The following GRB10 variants were observed in gnomAD, a reference collection of about 807,000 sequenced individuals.
GRB10 encodes growth factor receptor bound protein 10.
In GRB10, 20 loss-of-function variants were observed where a neutral mutation model predicts 80.9. The ratio of observed to expected loss-of-function variants is 0.25; its 90% CI spans 0.17 to 0.36. The LOEUF is 0.36. GRB10 is among the 10% of genes least tolerant of loss of function. The pLI, the probability that GRB10 is intolerant of heterozygous loss-of-function variation, is 1.00. For synonymous variants in GRB10, 291 were observed against 291.5 expected, an observed-to-expected ratio of 1.00 and a Z score of 0.02; for missense variants, 548 against 747.7, an observed-to-expected ratio of 0.73 and a Z score of 3.12.
At chr7:50,755,423 C>G (rs1224095051) in intron 3 of GRB10, among the ~76,000 whole-genome samples, 1 of 152,158 alleles carries the variant, frequency 6.6e-6, no homozygotes, top group African/African-American at 2.4e-5. Context: ...CAGGGGCACA[C>G]TAACACACAC....
rs187617792 is a variant in GRB10, at chr7:50,617,903, T to C, written c.846+168A>G. ...AGATTTTCCAAGGAAACTTTTAATT[T>C]CTGGTTACTCTAAACCCTCCCCCCA... On this transcript the variant is annotated intron_variant, in intron 10 of 18. Coordinates refer to ENST00000401949, the MANE Select transcript of GRB10 (RefSeq NM_001350814.2). 636 of 671,130 alleles carry C rather than the reference T, an allele frequency of 9.5e-4. 4 individuals carry two copies. The highest frequency in any genetic ancestry group is 2.3e-4 in the Non-Finnish European group (87 of 379,342). The allele number at this position is 671,130 out of a possible 1,614,324, so 41.6% of individuals were successfully genotyped here.
chr7:50,779,954 T>C (rs2078108012), intron 2 of GRB10, among the ~76,000 whole-genome samples: 1 of 152,056 alleles, frequency 6.6e-6, no homozygotes, highest in African/African-American at 2.4e-5. Flanking sequence ...GGAGAGATAG[T>C]CCTGGACCCC....
At chr7:50,792,220 C>T (rs561194110) in intron 1 of GRB10, among the ~76,000 whole-genome samples, 2 of 152,246 alleles carry the variant, frequency 1.3e-5, no homozygotes, top group African/African-American at 4.8e-5. Context: ...ACGAGCTCTC[C>T]TTGTTTTGGT....
At position 50,679,366 on chromosome 7, in the gene GRB10, A is replaced by G. The variant is rs80140428; in HGVS notation, c.140-4708T>C. On this transcript the variant is annotated intron_variant, in intron 5 of 18. Coordinates refer to ENST00000401949, the MANE Select transcript of GRB10 (RefSeq NM_001350814.2). ...TGCTGACTAGGAAAAGGCAAAGAGG[A>G]CAGAGAAACTCCGGGGACAGAGGAT... is the stretch of plus-strand genomic sequence containing the variant. Among the ~76,000 whole-genome samples the G allele has an allele frequency of 2.1e-3, 320 of 152,336 alleles. 1 individual carries two copies. The highest frequency in any genetic ancestry group is 7.3e-3 in the African/African-American group (303 of 41,580).
At chr7:50,623,439 G>T (rs2052260150) in intron 8 of GRB10, among the ~76,000 whole-genome samples, 1 of 152,256 alleles carries the variant, frequency 6.6e-6, no homozygotes, top group Non-Finnish European at 1.5e-5. Context: ...CCTGACCTCA[G>T]TCTGCTCATA....
At chr7:50,679,545 T>C (rs920314527) in intron 5 of GRB10, among the ~76,000 whole-genome samples, 2 of 152,338 alleles carry the variant, frequency 1.3e-5, no homozygotes, top group South Asian at 2.1e-4. Context: ...ATTTGCACCA[T>C]GTGTTTAGGA....
chr7:50,726,219 G>A (rs905437582), intron 4 of GRB10, among the ~76,000 whole-genome samples: 1 of 152,064 alleles, frequency 6.6e-6, no homozygotes, highest in Admixed American at 6.5e-5. Context: ...CCAACATGGC[G>A]AAACCCCATC....
chr7:50,613,019 A>G (rs919678857), intron 12 of GRB10, among the ~76,000 whole-genome samples, 180 bp from the exon 13 acceptor site: 16 of 152,186 alleles, frequency 1.1e-4, no homozygotes, highest in African/African-American at 3.6e-4. Flanking sequence ...CCTTCCTGAC[A>G]AGACTTTATT....
At chr7:50,792,748 G>T (rs2078984818) in intron 1 of GRB10, 1 of 269,008 alleles carries the variant, frequency 3.7e-6, no homozygotes, top group South Asian at 1.7e-4. Context: ...GCGCGCCGCG[G>T]CCCCGCCGCG....
chr7:50,644,016 C>T (rs2056748495), intron 7 of GRB10, among the ~76,000 whole-genome samples: 1 of 152,108 alleles, frequency 6.6e-6, no homozygotes, highest in Non-Finnish European at 1.5e-5. Context: ...GTATCTTTTC[C>T]CATAGTAACG....
intron 5 of GRB10, among the ~76,000 whole-genome samples, chr7:50,679,300 A>C (rs1229682571): frequency 2.0e-5 from 3 of 152,190 alleles, no homozygotes; most frequent in Admixed American, 2.0e-4. Flanking sequence ...CGGGCTTATA[A>C]ATCATCACGA....
intron 7 of GRB10, among the ~76,000 whole-genome samples, chr7:50,644,868 G>A (rs558104311): frequency 1.3e-5 from 2 of 152,320 alleles, no homozygotes; most frequent in Admixed American, 1.3e-4. Flanking sequence ...GAAGGGGCTG[G>A]GTATGGGATG....
intron 2 of GRB10, among the ~76,000 whole-genome samples, chr7:50,776,296 C>T (rs533989194): frequency 6.6e-6 from 1 of 152,328 alleles, no homozygotes; most frequent in South Asian, 2.1e-4. Flanking sequence ...TCACTGTAGC[C>T]TTGACCTCCC....
At chr7:50,623,258 G>A (rs556822151) in intron 8 of GRB10, among the ~76,000 whole-genome samples, 2 of 152,182 alleles carry the variant, frequency 1.3e-5, no homozygotes, top group Non-Finnish European at 2.9e-5. Context: ...GTAGAACCTG[G>A]GGGCAGTGCT....
chr7:50,701,324 C>T (rs1234032882), intron 5 of GRB10, among the ~76,000 whole-genome samples: 1 of 152,186 alleles, frequency 6.6e-6, no homozygotes, highest in Admixed American at 6.5e-5. Context: ...AGGCCAGGCA[C>T]TGCAGCTCAC....
intron 5 of GRB10, among the ~76,000 whole-genome samples, chr7:50,687,520 T>C (rs969246118): frequency 6.6e-6 from 1 of 152,286 alleles, no homozygotes; most frequent in Admixed American, 6.5e-5. Context: ...CAGCCACCTC[T>C]TGCATGCACG....
intron 7 of GRB10, among the ~76,000 whole-genome samples, chr7:50,668,574 G>A (rs1429320125): frequency 1.3e-5 from 2 of 152,102 alleles, no homozygotes; most frequent in Non-Finnish European, 2.9e-5. Context: ...TAATTCATAC[G>A]GGATGGCATG....
At chr7:50,693,875 C>A (rs1010008726) in intron 5 of GRB10, among the ~76,000 whole-genome samples, 2 of 151,986 alleles carry the variant, frequency 1.3e-5, no homozygotes, top group Non-Finnish European at 2.9e-5. Context: ...AAAGCAACCA[C>A]ACCAGCAAGG....
intron 2 of GRB10, among the ~76,000 whole-genome samples, chr7:50,758,633 G>A (rs61552985): frequency 0.13 from 19,772 of 152,158 alleles, 4,328 homozygotes; most frequent in African/African-American, 0.45. Context: ...TTCGGCCAGA[G>A]AGCTCTGGAG....
Sources: gnomAD v4.1 joint callset for allele counts (sites outside exome capture counted in the v4.1 genomes callset) on GRCh38, gnomAD v4.1.1 for gene constraint, MANE v1.5 for transcripts, NCBI Gene and HGNC (gene_info 2026-07-23, HGNC 2026-07-21) for gene names.